LINGO2: variants seen among roughly 807,000 people sequenced by gnomAD.
LINGO2 encodes leucine rich repeat and Ig domain containing 2, also known as leucine-rich repeat and immunoglobulin-like domain-containing nogo receptor-interacting protein 2.
Under a neutral mutation model 30.6 loss-of-function variants are expected in LINGO2, and 14 were observed. The ratio of observed to expected loss-of-function variants is 0.46; its 90% CI spans 0.30 to 0.72. The LOEUF (loss-of-function observed/expected upper bound fraction) is 0.72, where lower values mean the gene tolerates loss of function less well. LINGO2 is among the 30% of genes least tolerant of loss of function. The pLI, the probability that LINGO2 is intolerant of heterozygous loss-of-function variation, is 0.07. For missense variants in LINGO2, 729 were observed against 751.7 expected, an observed-to-expected ratio of 0.97 and a Z score of 0.35; for synonymous variants, 317 against 288.5, an observed-to-expected ratio of 1.10 and a Z score of -1.00.
At chr9:28,282,299 G>T (rs13284429) in intron 4 of LINGO2, among the ~76,000 whole-genome samples, 1 of 152,102 alleles carries the variant, frequency 6.6e-6, no homozygotes, top group East Asian at 1.9e-4. Context: ...AATGATAAGT[G>T]AGGGTGAGAC....
chr9:28,924,617 C>T, the LINGO2 span, among the ~76,000 whole-genome samples: 1 of 152,296 alleles, frequency 6.6e-6, no homozygotes, highest in South Asian at 2.1e-4. Context: ...CAGTTCCATA[C>T]AGTTGTCCCA....
chr9:28,871,300 T>C, the LINGO2 span, among the ~76,000 whole-genome samples: 1 of 151,258 alleles, frequency 6.6e-6, no homozygotes, highest in Admixed American at 6.6e-5. Flanking sequence ...GAAAATGAAA[T>C]TAAACAATAG....
At chr9:28,080,327 T>C (rs1825738831) in intron 4 of LINGO2, among the ~76,000 whole-genome samples, 1 of 152,196 alleles carries the variant, frequency 6.6e-6, no homozygotes, top group South Asian at 2.1e-4. Context: ...TCCAGCTTCT[T>C]CTTCTGTCGC....
chr9:29,212,558 C>G, the LINGO2 span, among the ~76,000 whole-genome samples: 1 of 151,994 alleles, frequency 6.6e-6, no homozygotes, highest in Non-Finnish European at 1.5e-5. Flanking sequence ...GCCCACAGCT[C>G]TCTATGGCAA....
chr9:29,141,368 G>A, the LINGO2 span, among the ~76,000 whole-genome samples: 1 of 151,698 alleles, frequency 6.6e-6, no homozygotes, highest in Non-Finnish European at 1.5e-5. Context: ...ACTACAAGAT[G>A]TTTTACGAAG....
intron 2 of LINGO2, 117 bp from the exon 5 acceptor site, chr9:28,372,985 T>C (rs1820963476): frequency 1.3e-5 from 2 of 148,438 alleles, no homozygotes; most frequent in African/African-American, 2.5e-5. Context: ...TTTTTCTTGT[T>C]GACAGGAAAG....
intron 4 of LINGO2, among the ~76,000 whole-genome samples, chr9:28,266,298 T>G (rs887092439): frequency 3.3e-5 from 5 of 152,090 alleles, no homozygotes; most frequent in Admixed American, 2.6e-4. Flanking sequence ...GTATAATGTT[T>G]CACAAAGAAA....
the LINGO2 span, among the ~76,000 whole-genome samples, chr9:29,102,311 G>A: frequency 4.6e-5 from 7 of 152,110 alleles, no homozygotes; most frequent in African/African-American, 1.7e-4. Flanking sequence ...TCGATCTCCT[G>A]ATCTTGTGAT....
chr9:29,092,177 A>C, the LINGO2 span, among the ~76,000 whole-genome samples: 1 of 152,030 alleles, frequency 6.6e-6, no homozygotes, highest in Admixed American at 6.6e-5. Flanking sequence ...TTAATTATAC[A>C]GATGAGGAAA....
intron 3 of LINGO2, among the ~76,000 whole-genome samples, chr9:28,355,450 C>T (rs546164532): frequency 8.6e-5 from 13 of 151,226 alleles, no homozygotes; most frequent in African/African-American, 2.4e-4. Flanking sequence ...AAATAACATT[C>T]GCCCCCTAAA....
the LINGO2 span, among the ~76,000 whole-genome samples, chr9:28,779,138 T>C: frequency 1.3e-5 from 2 of 152,200 alleles, no homozygotes; most frequent in African/African-American, 4.8e-5. Flanking sequence ...GATAAATAAA[T>C]GCATGCAAAA....
intron 4 of LINGO2, among the ~76,000 whole-genome samples, chr9:28,090,583 T>C (rs996887058): frequency 7.9e-5 from 12 of 152,046 alleles, no homozygotes; most frequent in Non-Finnish European, 8.8e-5. Flanking sequence ...TAAGAGCTAT[T>C]TATGACAAAC....
intron 4 of LINGO2, among the ~76,000 whole-genome samples, chr9:28,059,731 A>G (rs960854518): frequency 1.3e-5 from 2 of 152,172 alleles, no homozygotes; most frequent in Admixed American, 1.3e-4. Context: ...CCCTATAGCC[A>G]TCATGTTGAC....
chr9:28,092,299 A>T (rs1250985435), intron 4 of LINGO2, among the ~76,000 whole-genome samples: 1 of 152,112 alleles, frequency 6.6e-6, no homozygotes, highest in Non-Finnish European at 1.5e-5. Flanking sequence ...ACCAACCCAA[A>T]TGTCCATCAA....
At chr9:28,889,347 A>T in the LINGO2 span, among the ~76,000 whole-genome samples, 5 of 152,224 alleles carry the variant, frequency 3.3e-5, no homozygotes, top group East Asian at 9.7e-4. Flanking sequence ...AATCTAGCAA[A>T]GGGAACTACG....
At chr9:28,118,731 T>G (rs1265653884) in intron 4 of LINGO2, among the ~76,000 whole-genome samples, 1 of 152,166 alleles carries the variant, frequency 6.6e-6, no homozygotes, top group Non-Finnish European at 1.5e-5. Context: ...TAAGTGCTAA[T>G]TATTTGTGCT....
intron 2 of LINGO2, among the ~76,000 whole-genome samples, chr9:28,428,439 T>A (rs1274837025): frequency 1.3e-5 from 2 of 152,182 alleles, no homozygotes; most frequent in Non-Finnish European, 2.9e-5. Flanking sequence ...TGTATTAGAC[T>A]GTGTTTCCAT....
At chr9:28,985,414 A>G in the LINGO2 span, among the ~76,000 whole-genome samples, 2 of 152,028 alleles carry the variant, frequency 1.3e-5, no homozygotes, top group African/African-American at 4.8e-5. Flanking sequence ...TGGTAATTCC[A>G]TTTTAGCTTT....
intron 1 of LINGO2, among the ~76,000 whole-genome samples, chr9:28,534,272 T>A (rs1007605037): frequency 1.3e-5 from 2 of 152,112 alleles, no homozygotes; most frequent in African/African-American, 4.8e-5. Context: ...TCCTTCCACC[T>A]CAGCATCCTG....
Sources: allele counts gnomAD v4.1 joint callset (sites outside exome capture counted in the v4.1 genomes callset), GRCh38; gene constraint gnomAD v4.1.1; transcripts MANE v1.5; gene names NCBI Gene and HGNC (gene_info 2026-07-23, HGNC 2026-07-21).